Variants in RAMP1 observed in about 807,000 individuals in gnomAD.
The protein encoded by RAMP1 is receptor activity-modifying protein 1.
RAMP1 carries 7 observed loss-of-function variants against 8.2 expected under a neutral mutation model. That is an observed-to-expected ratio of 0.85 (90% CI 0.49 to 1.60). RAMP1 has a LOEUF of 1.60. Among genes scored for constraint, RAMP1 ranks in the 40% most tolerant of loss-of-function variants. The pLI is 0.00. For synonymous variants in RAMP1, 92 were observed against 84.7 expected (o/e 1.09, Z -0.47); for missense variants, 192 against 202.4 (o/e 0.95, Z 0.31).
rs957940590 is a variant in RAMP1, at chr2:237,862,988, A to C, written c.52+3261A>C. Among the ~76,000 whole-genome samples the C allele has an allele frequency of 2.0e-5, 3 of 152,186 alleles. No homozygotes were observed. The highest frequency in any genetic ancestry group is 7.2e-5 in the African/African-American group (3 of 41,454). On this transcript the variant is annotated intron_variant, in intron 1 of 2. Coordinates refer to ENST00000254661, the MANE Select transcript of RAMP1 (RefSeq NM_005855.4). This position sits in a 1 kb window ranked among gnomAD's most constrained non-coding sequence, Gnocchi z 4.0. ...CCTTTTGAGCCCCTAGATCGAGCTC[A>C]TGGGGTACACATTTCCATCATGTGA...
intron 2 of RAMP1, among the ~76,000 whole-genome samples, chr2:237,879,033 C>G (rs2062338532): frequency 6.6e-6 from 1 of 152,210 alleles, no homozygotes; most frequent in Admixed American, 6.5e-5. Context: ...ATTTCAGGGC[C>G]TCCTTTTCTA....
At chr2:237,904,968 C>A (rs772836053) in intron 2 of RAMP1, among the ~76,000 whole-genome samples, 2 of 152,092 alleles carry the variant, frequency 1.3e-5, no homozygotes, top group Non-Finnish European at 2.9e-5. Context: ...AGATGACTCA[C>A]CTGTGAGCAT....
chr2:237,911,430 G>C (rs2062710996), intron 2 of RAMP1, 98 bp from the exon 3 acceptor site: 1 of 1,502,708 alleles, frequency 6.7e-7, no homozygotes, highest in Non-Finnish European at 9.1e-7. Context: ...CCAAGCTTCA[G>C]GGCTGCATGA....
At chr2:237,874,086 C>T (rs1346064410) in intron 1 of RAMP1, among the ~76,000 whole-genome samples, 1 of 152,216 alleles carries the variant, frequency 6.6e-6, no homozygotes, top group East Asian at 1.9e-4. Flanking sequence ...GAGGGACCAG[C>T]CCAGAGCCAG....
At chr2:237,895,624 C>A (rs754571475) in intron 2 of RAMP1, among the ~76,000 whole-genome samples, 4 of 152,100 alleles carry the variant, frequency 2.6e-5, no homozygotes, top group Non-Finnish European at 5.9e-5. Context: ...CGTGGGTGGG[C>A]AGGATGGGTC....
At chr2:237,899,387 T>C (rs150642523) in intron 2 of RAMP1, among the ~76,000 whole-genome samples, 1 of 152,342 alleles carries the variant, frequency 6.6e-6, no homozygotes, top group African/African-American at 2.4e-5. Flanking sequence ...GAGATTTTTA[T>C]CACATGAAGA....
intron 1 of RAMP1, among the ~76,000 whole-genome samples, chr2:237,866,409 C>T (rs2062187379): frequency 6.6e-6 from 1 of 152,056 alleles, no homozygotes; most frequent in African/African-American, 2.4e-5. Context: ...TAAGGTCACC[C>T]GTAACCTAGG....
intron 1 of RAMP1, among the ~76,000 whole-genome samples, chr2:237,861,408 A>AGC (rs2151000485): frequency 6.6e-6 from 1 of 152,360 alleles, no homozygotes; most frequent in East Asian, 1.9e-4. Context: ...CCCAAGCTGT[A>AGC]GCACTAGCCA....
chr2:237,865,895 C>T lies in RAMP1; in HGVS notation c.52+6168C>T, dbSNP rs3769038. On this transcript the variant is annotated intron_variant, in intron 1 of 2. Coordinates refer to ENST00000254661, the MANE Select transcript of RAMP1 (RefSeq NM_005855.4). The surrounding 1 kb of genome is among the most constrained non-coding windows in gnomAD (Gnocchi z 4.2). ...GGGTCCTTTGCAGGAGAGGCAGCGG[C>T]GAAAGCTGCCCTTAGGAGGCAGCGA... 0.022 allele frequency among the ~76,000 whole-genome samples: 3,394 copies of T among 152,002 alleles called. 200 individuals carry two copies. Among genetic ancestry groups the T allele is most frequent in the East Asian group, 0.22 (1,123 of 5,076 alleles).
chr2:237,882,728 A>G (rs2062383226), intron 2 of RAMP1, among the ~76,000 whole-genome samples: 1 of 151,092 alleles, frequency 6.6e-6, no homozygotes, highest in Admixed American at 6.6e-5. Flanking sequence ...TAGGGTGGGC[A>G]AGTTTGTCCA....
intron 2 of RAMP1, among the ~76,000 whole-genome samples, chr2:237,879,463 A>G (rs2062343388): frequency 6.6e-6 from 1 of 151,002 alleles, no homozygotes; most frequent in Non-Finnish European, 1.5e-5. Context: ...AAGGAGGGGG[A>G]GTTGCTGGGA....
intron 2 of RAMP1, among the ~76,000 whole-genome samples, chr2:237,901,829 A>G (rs1469220780): frequency 1.4e-5 from 2 of 145,110 alleles, no homozygotes; most frequent in Non-Finnish European, 3.0e-5. Flanking sequence ...GGGAGGCAGA[A>G]GAAGGGGTAG....
chr2:237,874,740 A>C, intron 1 of RAMP1: 4 of 963,012 alleles, frequency 4.2e-6, no homozygotes, highest in Non-Finnish European at 4.9e-6. Context: ...CATTTGACAA[A>C]TATGAATGTG....
intron 1 of RAMP1, among the ~76,000 whole-genome samples, chr2:237,871,362 A>C (rs1490461926): frequency 6.6e-6 from 1 of 152,140 alleles, no homozygotes; most frequent in Non-Finnish European, 1.5e-5. Context: ...CAATGGGGAG[A>C]TATCCCAGCC....
At chr2:237,867,843 C>G (rs886247020) in intron 1 of RAMP1, among the ~76,000 whole-genome samples, 1 of 152,076 alleles carries the variant, frequency 6.6e-6, no homozygotes, top group Non-Finnish European at 1.5e-5. Context: ...GGTTTTCTTC[C>G]CAAGATACAG....
At position 237,911,526 on chromosome 2, in the gene RAMP1, A is replaced by C; in HGVS notation, c.192-2A>C. 1.9e-6 allele frequency: 3 copies of C among 1,613,816 alleles called. No individual in the cohort carries two copies. In the South Asian group the frequency reaches 3.3e-5, roughly 18 times the overall value. ...TCTTACCACCTCCTCTTCCATCCGC[A>C]GGAGCTACAGGGAGCTGGCCGACTG... On this transcript the variant is annotated splice_acceptor_variant, in intron 2 of 2. Coordinates refer to ENST00000254661, the MANE Select transcript of RAMP1 (RefSeq NM_005855.4). LOFTEE classifies it high-confidence loss of function.
chr2:237,891,300 G>C (rs761933028), intron 2 of RAMP1, among the ~76,000 whole-genome samples: 1 of 152,028 alleles, frequency 6.6e-6, no homozygotes, highest in Admixed American at 6.5e-5. Flanking sequence ...ACAGGCGCCC[G>C]CCACCACGCC....
chr2:237,874,835 C>A, intron 1 of RAMP1: 1 of 469,298 alleles, frequency 2.1e-6, no homozygotes, highest in Non-Finnish European at 2.8e-6. Context: ...GAAAGAGACC[C>A]TCCACCAGCC....
chr2:237,891,441 C>T (rs1576548981), intron 2 of RAMP1, among the ~76,000 whole-genome samples: 2 of 152,228 alleles, frequency 1.3e-5, no homozygotes, highest in Non-Finnish European at 2.9e-5. Flanking sequence ...TGAGCCACCG[C>T]GCCCAGCCCA....
Sources: gnomAD v4.1 joint callset for allele counts (sites outside exome capture counted in the v4.1 genomes callset) on GRCh38, gnomAD v4.1.1 for gene constraint, Gnocchi (gnomAD v3.1) non-coding constraint, MANE v1.5 for transcripts, NCBI Gene and HGNC (gene_info 2026-07-23, HGNC 2026-07-21) for gene names.